Variants in TAOK1 observed in about 807,000 individuals in gnomAD.
The protein encoded by TAOK1 is TAO kinase 1, also known as serine/threonine-protein kinase TAO1.
TAOK1 carries 21 observed loss-of-function variants against 138.3 expected under a neutral mutation model. That is an observed-to-expected ratio of 0.15 (90% CI 0.11 to 0.22). TAOK1 has a LOEUF of 0.22. Ranked by LOEUF, TAOK1 falls within the 10% of genes least tolerant of loss-of-function variation. The pLI is 1.00. For missense variants in TAOK1, 651 were observed against 1,227.7 expected (o/e 0.53, Z 7.02); for synonymous variants, 361 against 398.4 (o/e 0.91, Z 1.12).
At chr17:29,495,468 T>C (rs2031393577) in intron 10 of TAOK1, 92 bp from the exon 11 acceptor site, 1 of 1,061,700 alleles carries the variant, frequency 9.4e-7, no homozygotes, top group Admixed American at 2.6e-5. Flanking sequence ...ACATGCATTA[T>C]CTATCATAGG....
chr17:29,394,157 T>TTTG (rs1904517111), intron 1 of TAOK1, among the ~76,000 whole-genome samples: 1 of 104,202 alleles, frequency 9.6e-6, no homozygotes, highest in African/African-American at 4.6e-5. Context: ...CCAGTTTTTT[T>TTTG]TTTTTTTTTT....
chr17:29,464,947 A>G (rs1205422629), intron 2 of TAOK1, among the ~76,000 whole-genome samples: 1 of 149,684 alleles, frequency 6.7e-6, no homozygotes, highest in Non-Finnish European at 1.5e-5. Context: ...CAACCTCCCG[A>G]GTAGCTGGGA....
intron 1 of TAOK1, among the ~76,000 whole-genome samples, chr17:29,434,528 C>T (rs1360379269): frequency 2.0e-5 from 3 of 151,896 alleles, no homozygotes; most frequent in Admixed American, 6.6e-5. Context: ...CCTTGCATCC[C>T]CGAGTTCTGG....
intron 16 of TAOK1, among the ~76,000 whole-genome samples, chr17:29,518,611 A>G (rs1171747743): frequency 6.6e-6 from 1 of 152,212 alleles, no homozygotes; most frequent in South Asian, 2.1e-4. Context: ...CTCCCTCACT[A>G]CAATGGAAGT....
rs971223593 is a variant in TAOK1 at position 29,545,790 on chromosome 17, A to G, written c.*2768A>G. The G allele has an allele frequency of 6.6e-6, 1 of 152,122 alleles. No homozygotes were observed. Among genetic ancestry groups the G allele is most frequent in the Non-Finnish European group, 1.5e-5 (1 of 67,972 alleles). 9.4% of individuals were successfully genotyped at this position (152,122 alleles called of 1,614,324 possible). A position where few individuals can be genotyped will look rare whatever the true frequency, so the allele number is the denominator to read the frequency against. On this transcript the variant is annotated 3_prime_UTR_variant, in exon 20 of 20. Coordinates refer to ENST00000261716, the MANE Select transcript of TAOK1 (RefSeq NM_020791.4). ...TTTCTGAATCAGTGGGGAAATATCA[A>G]TATTTGATCAAATTAACACTACCTC... is the stretch of plus-strand genomic sequence containing the variant.
Position 29,547,293 on chromosome 17 carries a change from A to G in TAOK1, c.*4271A>G, listed in dbSNP as rs1442784829. ...GAAAGGAATTACTGCTAAAGCATCTAAGATTCTCCTGAACTGTAAAATCAA... is the reference window on the plus strand; with the variant it reads ...GAAAGGAATTACTGCTAAAGCATCTGAGATTCTCCTGAACTGTAAAATCAA... On this transcript the variant is annotated 3_prime_UTR_variant, in exon 20 of 20. Coordinates refer to ENST00000261716, the MANE Select transcript of TAOK1 (RefSeq NM_020791.4). 6.6e-6 allele frequency: 1 copy of G among 152,140 alleles called. No individual in the cohort carries two copies. Among genetic ancestry groups the G allele is most frequent in the African/African-American group, 2.4e-5 (1 of 41,444 alleles). The allele number at this position is 152,140 out of a possible 1,614,324, so 9.4% of individuals were successfully genotyped here.
Position 29,480,789 on chromosome 17 carries a change from G to A in TAOK1, c.563+308G>A, listed in dbSNP as rs570787977. Among the ~76,000 whole-genome samples the A allele has an allele frequency of 2.4e-3, 362 of 150,448 alleles. 3 individuals are homozygous for A. Among genetic ancestry groups the A allele is most frequent in the African/African-American group, 8.0e-3 (325 of 40,736 alleles). ...AGAGGCTGAGGTAGGAGAATCACTT[G>A]AACCCAGGAGGCAGAGGTTGGAGTG... On this transcript the variant is annotated intron_variant, in intron 7 of 19. Transcript: ENST00000261716.
rs1407200118 is a variant in TAOK1 at position 29,547,030 on chromosome 17, G to T, written c.*4008G>T. ...GGGGAAGGAGCCAGTTAGTGTTTCTGTGAGTTTGTGTTGTGATGCAATAAG... is the reference window on the plus strand; with the variant it reads ...GGGGAAGGAGCCAGTTAGTGTTTCTTTGAGTTTGTGTTGTGATGCAATAAG... On this transcript the variant is annotated 3_prime_UTR_variant, in exon 20 of 20. Transcript: ENST00000261716. 2 of 152,094 alleles carry T rather than the reference G, an allele frequency of 1.3e-5. No homozygotes were observed. Among genetic ancestry groups the T allele is most frequent in the African/African-American group, 4.8e-5 (2 of 41,424 alleles). The allele number at this position is 152,094 out of a possible 1,614,324, so 9.4% of individuals were successfully genotyped here.
chr17:29,411,333 C>T (rs1170164282), intron 1 of TAOK1, among the ~76,000 whole-genome samples: 3 of 151,794 alleles, frequency 2.0e-5, no homozygotes, highest in Admixed American at 6.6e-5. Context: ...CTTCGTGATC[C>T]GCCCGCCTCG....
At chr17:29,444,039 C>T (rs1327973140) in intron 1 of TAOK1, among the ~76,000 whole-genome samples, 3 of 151,278 alleles carry the variant, frequency 2.0e-5, no homozygotes, top group East Asian at 2.0e-4. Flanking sequence ...TGCTTGAGCT[C>T]GGGAGACAGA....
In TAOK1 at chr17:29,397,607, C is replaced by CCAAAAA. The variant is rs60665025; in HGVS notation, c.-95+6583_-95+6584insCAAAAA. On this transcript the variant is annotated intron_variant, in intron 1 of 19. Transcript: ENST00000261716. ...AACAGAGTGAGATTCCGTCCCCCCC[C>CCAAAAA]AAAAAAATATATATATATATATACA... 5.3e-5 allele frequency among the ~76,000 whole-genome samples: 5 copies of CCAAAAA among 94,616 alleles called. 1 individual carries two copies. The highest frequency in any genetic ancestry group is 2.2e-4 in the Admixed American group (2 of 8,928). 62.1% of individuals were successfully genotyped at this position (94,616 alleles called of 152,430 possible).
At chr17:29,513,664 C>T (rs1184362457) in intron 15 of TAOK1, 1 of 152,196 alleles carries the variant, frequency 6.6e-6, no homozygotes, top group Non-Finnish European at 1.5e-5. Context: ...CCAGGTATGG[C>T]CAGGCGCGGT....
In TAOK1 at chr17:29,410,441, C is replaced by T. The variant is rs971400746; in HGVS notation, c.-95+19417C>T. The stretch of plus-strand genomic sequence containing the variant: ...AATTTTTTTGTATTTTTAGCAGAAA[C>T]GGGGTTTCACTATGTTAGCCAGGCT... On this transcript the variant is annotated intron_variant, in intron 1 of 19. Coordinates refer to ENST00000261716, the MANE Select transcript of TAOK1 (RefSeq NM_020791.4). Among the ~76,000 whole-genome samples the T allele has an allele frequency of 7.9e-5, 12 of 151,156 alleles. No individual in the cohort carries two copies. The South Asian group carries it at 2.3e-3, about 29-fold the overall frequency.
intron 17 of TAOK1, 142 bp from the exon 18 acceptor site, chr17:29,530,265 G>C (rs953094940): frequency 1.4e-6 from 1 of 701,218 alleles, no homozygotes; most frequent in Non-Finnish European, 2.4e-6. Context: ...AGTGCAAAAA[G>C]TACCTGCAAC....
intron 1 of TAOK1, among the ~76,000 whole-genome samples, chr17:29,415,091 T>A (rs1905237242): frequency 6.6e-6 from 1 of 152,016 alleles, no homozygotes; most frequent in South Asian, 2.1e-4. Context: ...TGCCTCAGCC[T>A]CCCAAATAGC....
chr17:29,404,855 C>G (rs1904950357), intron 1 of TAOK1, among the ~76,000 whole-genome samples: 2 of 152,076 alleles, frequency 1.3e-5, no homozygotes, highest in Admixed American at 1.3e-4. Context: ...CACTACCATT[C>G]TGTATTTTAA....
intron 13 of TAOK1, among the ~76,000 whole-genome samples, chr17:29,507,366 T>C (rs930777415): frequency 1.3e-5 from 2 of 152,060 alleles, no homozygotes; most frequent in Non-Finnish European, 2.9e-5. Context: ...GTTTCTGCTT[T>C]CTGATTCTGG....
At chr17:29,485,461 A>G (rs1022794600) in intron 8 of TAOK1, among the ~76,000 whole-genome samples, 1 of 146,280 alleles carries the variant, frequency 6.8e-6, no homozygotes, top group African/African-American at 2.4e-5. Context: ...GCATAGCAAG[A>G]CCTTGTCTCT....
chr17:29,445,064 C>T (rs1460378925), intron 1 of TAOK1, among the ~76,000 whole-genome samples: 1 of 152,094 alleles, frequency 6.6e-6, no homozygotes, highest in African/African-American at 2.4e-5. Context: ...TCTAGTACAG[C>T]GTTGATTAGG....
Sources: allele counts gnomAD v4.1 joint callset (sites outside exome capture counted in the v4.1 genomes callset), GRCh38; gene constraint gnomAD v4.1.1; transcripts MANE v1.5; gene names NCBI Gene and HGNC (gene_info 2026-07-23, HGNC 2026-07-21).